The following RBFOX1 variants were observed in gnomAD, a reference collection of about 807,000 sequenced individuals.
RBFOX1 encodes the protein RNA binding fox-1 homolog 1, also known as RNA binding protein fox-1 homolog 1.
A neutral mutation model predicts 57.7 loss-of-function variants in RBFOX1; 8 were observed. That is an observed-to-expected ratio of 0.14 (90% confidence interval 0.08 to 0.25). The LOEUF is 0.25. RBFOX1 is among the 10% of genes least tolerant of loss of function. The pLI is 1.00. For synonymous variants in RBFOX1, 326 were observed against 222.4 expected (o/e 1.47, Z -4.15); for missense variants, 611 against 548.5 (o/e 1.11, Z -1.14).
intron 1 of RBFOX1, among the ~76,000 whole-genome samples, chr16:5,282,540 T>TGTGTCAG (rs1277955087): frequency 4.6e-5 from 7 of 152,218 alleles, no homozygotes; most frequent in African/African-American, 1.7e-4. Flanking sequence ...AGGCTGAGGT[T>TGTGTCAG]GTGTCAGATG....
At chr16:5,497,841 T>A (rs2043054932) in intron 2 of RBFOX1, among the ~76,000 whole-genome samples, 1 of 152,104 alleles carries the variant, frequency 6.6e-6, no homozygotes, top group African/African-American at 2.4e-5. Context: ...AATAACAAAG[T>A]GATGAAATCA....
intron 13 of RBFOX1, among the ~76,000 whole-genome samples, chr16:7,668,475 G>C (rs2070190304): frequency 1.3e-5 from 2 of 152,142 alleles, no homozygotes; most frequent in South Asian, 4.1e-4. Context: ...TGGGCAGAGA[G>C]CAAAGACAAA....
intron 2 of RBFOX1, among the ~76,000 whole-genome samples, chr16:6,321,854 A>G (rs181541910): frequency 8.4e-4 from 128 of 152,290 alleles, no homozygotes; most frequent in African/African-American, 3.0e-3. Flanking sequence ...TTTCACTTCT[A>G]CGTTGGTAGG....
Position 6,104,436 on chromosome 16 carries a change from A to G in RBFOX1, c.-127+84444A>G, listed in dbSNP as rs78809952. On this transcript the variant is annotated intron_variant, in intron 1 of 15. Coordinates refer to ENST00000550418, the MANE Select transcript of RBFOX1 (RefSeq NM_018723.4). ...GTTTTTAAAATGGTTTTATAGAGGT[A>G]TAATTTATATAACATAAAATCCACC... Among the ~76,000 whole-genome samples, 125 of 152,366 alleles carry G rather than the reference A, an allele frequency of 8.2e-4. 1 individual carries two copies. The East Asian group carries it at 0.023, about 27-fold the overall frequency.
chr16:6,859,515 G>T (rs572349105), intron 3 of RBFOX1, among the ~76,000 whole-genome samples: 2 of 151,908 alleles, frequency 1.3e-5, no homozygotes, highest in African/African-American at 4.8e-5. Flanking sequence ...CCATGGACCT[G>T]CAAATTTCCC....
At chr16:6,169,185 C>A (rs915519599) in intron 1 of RBFOX1, among the ~76,000 whole-genome samples, 1 of 152,102 alleles carries the variant, frequency 6.6e-6, no homozygotes, top group Non-Finnish European at 1.5e-5. Context: ...GATCACTGAC[C>A]TTTAGCTCTA....
At chr16:5,426,115 A>G (rs945878059) in intron 1 of RBFOX1, among the ~76,000 whole-genome samples, 1 of 152,152 alleles carries the variant, frequency 6.6e-6, no homozygotes, top group Non-Finnish European at 1.5e-5. Flanking sequence ...GTGAAATCCA[A>G]AGATGCTGTT....
intron 1 of RBFOX1, among the ~76,000 whole-genome samples, chr16:5,271,653 A>G (rs2063011393): frequency 1.3e-5 from 2 of 152,228 alleles, no homozygotes; most frequent in South Asian, 4.1e-4. Context: ...TCCCTGCTCT[A>G]CAGTGAGGAA....
intron 4 of RBFOX1, among the ~76,000 whole-genome samples, chr16:7,238,521 C>G (rs1457627028): frequency 1.0e-5 from 1 of 97,188 alleles, no homozygotes; most frequent in African/African-American, 7.3e-5. Flanking sequence ...CCTCATCTTT[C>G]CAACCTTGGG....
chr16:6,703,530 C>CT (rs2154144058), intron 3 of RBFOX1, among the ~76,000 whole-genome samples: 2 of 151,980 alleles, frequency 1.3e-5, no homozygotes, highest in African/African-American at 4.8e-5. Context: ...AGGCAACATA[C>CT]TGTGACCCTG....
intron 4 of RBFOX1, among the ~76,000 whole-genome samples, chr16:7,342,960 A>G (rs2096926402): frequency 6.6e-6 from 1 of 152,132 alleles, no homozygotes; most frequent in South Asian, 2.1e-4. Flanking sequence ...ATAATGTTGA[A>G]TCCTTGCCCA....
At chr16:6,511,365 C>A (rs888520525) in intron 2 of RBFOX1, among the ~76,000 whole-genome samples, 15 of 152,258 alleles carry the variant, frequency 9.9e-5, no homozygotes, top group African/African-American at 3.6e-4. Flanking sequence ...TATCATGTAG[C>A]AGAAATGAAT....
chr16:6,539,539 T>G (rs1185078582), intron 2 of RBFOX1, among the ~76,000 whole-genome samples: 1 of 152,110 alleles, frequency 6.6e-6, no homozygotes, highest in African/African-American at 2.4e-5. Context: ...GGCTCACACC[T>G]ATAATCCCAG....
At chr16:6,790,652 TTCTG>T (rs1281208645) in intron 3 of RBFOX1, among the ~76,000 whole-genome samples, 3 of 152,184 alleles carry the variant, frequency 2.0e-5, no homozygotes, top group Admixed American at 1.3e-4. Flanking sequence ...GAGCTTCCTG[TTCTG>T]TCTGTCATTA....
At chr16:6,889,267 C>T (rs866936356) in intron 3 of RBFOX1, among the ~76,000 whole-genome samples, 4 of 152,318 alleles carry the variant, frequency 2.6e-5, no homozygotes, top group Middle Eastern at 3.4e-3. Context: ...CCGTTAGCCC[C>T]ATGGCTTGCT....
chr16:6,321,003 AG>A (rs2081718041), intron 2 of RBFOX1, among the ~76,000 whole-genome samples: 1 of 152,182 alleles, frequency 6.6e-6, no homozygotes, highest in Admixed American at 6.5e-5. Flanking sequence ...CATGTTGGCC[AG>A]GCTAGTCTCG....
intron 2 of RBFOX1, among the ~76,000 whole-genome samples, chr16:6,321,595 G>C (rs907715766): frequency 1.3e-5 from 2 of 152,178 alleles, no homozygotes; most frequent in African/African-American, 4.8e-5. Flanking sequence ...TATTCAAATA[G>C]TATATCACCT....
chr16:6,842,472 G>C (rs189537195), intron 3 of RBFOX1, among the ~76,000 whole-genome samples: 236 of 152,098 alleles, frequency 1.6e-3, no homozygotes, highest in African/African-American at 5.2e-3. Context: ...ATATGAATGT[G>C]TGTGTTTGTT....
intron 4 of RBFOX1, among the ~76,000 whole-genome samples, chr16:7,416,422 T>C (rs1178760479): frequency 6.6e-6 from 1 of 152,144 alleles, no homozygotes; most frequent in Non-Finnish European, 1.5e-5. Flanking sequence ...ATTGAGTGCC[T>C]GGGAGTCACC....
Sources: allele counts gnomAD v4.1 joint callset (sites outside exome capture counted in the v4.1 genomes callset), GRCh38; gene constraint gnomAD v4.1.1; transcripts MANE v1.5; gene names NCBI Gene and HGNC (gene_info 2026-07-23, HGNC 2026-07-21).